The following RARB variants were observed in gnomAD, a reference collection of about 807,000 sequenced individuals.
The protein encoded by RARB is HBV-activated protein.
A neutral mutation model predicts 51.9 loss-of-function variants in RARB; 17 were observed. That is an observed-to-expected ratio of 0.33 (90% confidence interval 0.22 to 0.49). The LOEUF (loss-of-function observed/expected upper bound fraction) is 0.49. Among genes scored for constraint, RARB ranks in the 20% least tolerant of loss-of-function variants. The pLI is 0.99. For synonymous variants in RARB, 215 were observed against 195.4 expected (o/e 1.10, Z -0.84); for missense variants, 369 against 550.8 (o/e 0.67, Z 3.30).
Position 25,391,200 on chromosome 3 carries a change from T to C in RARB, c.179-69993T>C, listed in dbSNP as rs567169969. ...CTTAGAGTAATGGTCTCAAACTCCA[T>C]CCAGGTTTCTGTAAATGCCATTATT... On this transcript the variant is annotated intron_variant, in intron 5 of 11. Coordinates refer to the RARB transcript ENST00000383772. Among the ~76,000 whole-genome samples, 53 of 152,290 alleles carry C rather than the reference T, an allele frequency of 3.5e-4. 1 individual carries two copies. The South Asian group carries it at 0.01, about 29-fold the overall frequency.
intron 2 of RARB, among the ~76,000 whole-genome samples, chr3:24,864,951 G>A (rs1702820005): frequency 6.6e-6 from 1 of 152,154 alleles, no homozygotes; most frequent in African/African-American, 2.4e-5. Context: ...ACTTTGAAAA[G>A]ACTCTTGTTC....
At chr3:25,040,911 CAAAGT>C (rs1698100132) in intron 2 of RARB, among the ~76,000 whole-genome samples, 1 of 152,172 alleles carries the variant, frequency 6.6e-6, no homozygotes, top group Non-Finnish European at 1.5e-5. Flanking sequence ...CTGAATGATT[CAAAGT>C]CAGCTCATTG....
intron 5 of RARB, among the ~76,000 whole-genome samples, chr3:25,367,431 C>T (rs1706155588): frequency 6.6e-6 from 1 of 152,054 alleles, no homozygotes; most frequent in South Asian, 2.1e-4. Context: ...CTTTTATATG[C>T]TTTGGCAAAG....
chr3:25,574,432 C>A (rs1281169657), intron 4 of RARB, among the ~76,000 whole-genome samples: 1 of 152,216 alleles, frequency 6.6e-6, no homozygotes, highest in East Asian at 1.9e-4. Flanking sequence ...CTCCTCTCCA[C>A]CCCATCATAA....
intron 2 of RARB, among the ~76,000 whole-genome samples, chr3:24,937,571 GAAGCA>G (rs1695571712): frequency 6.6e-6 from 1 of 152,268 alleles, no homozygotes; most frequent in South Asian, 2.1e-4. Flanking sequence ...GGAAGGCAGG[GAAGCA>G]AACAAGCAAA....
chr3:25,570,041 G>C, intron 4 of RARB, 123 bp downstream of exon 4: 1 of 1,344,706 alleles, frequency 7.4e-7, no homozygotes, highest in Non-Finnish European at 1.0e-6. Flanking sequence ...GGCCTGGCAG[G>C]GGCTTGCATG....
intron 1 of RARB, among the ~76,000 whole-genome samples, chr3:25,455,700 C>T (rs1213742794): frequency 2.6e-5 from 4 of 152,128 alleles, no homozygotes; most frequent in African/African-American, 9.7e-5. Context: ...GGCGGGGACC[C>T]ACAGAGCCAA....
At chr3:25,361,848 T>C (rs962407735) in intron 5 of RARB, among the ~76,000 whole-genome samples, 1 of 152,204 alleles carries the variant, frequency 6.6e-6, no homozygotes. Context: ...CTCCTTCCTC[T>C]GGAAGCCTCG....
chr3:25,584,385 T>C (rs1022956789), intron 5 of RARB, among the ~76,000 whole-genome samples: 10 of 152,128 alleles, frequency 6.6e-5, no homozygotes, highest in African/African-American at 2.4e-4. Context: ...GAATCAGGGA[T>C]GGAGCACAAC....
At chr3:24,908,349 A>G (rs770140162) in intron 2 of RARB, among the ~76,000 whole-genome samples, 2 of 152,176 alleles carry the variant, frequency 1.3e-5, no homozygotes, top group Non-Finnish European at 2.9e-5. Flanking sequence ...AAAAATATGT[A>G]CCAGTAGAAT....
chr3:25,199,734 T>A (rs773620028), intron 5 of RARB, among the ~76,000 whole-genome samples: 10 of 152,312 alleles, frequency 6.6e-5, no homozygotes, highest in Non-Finnish European at 1.5e-4. Context: ...CTGAGAATGA[T>A]GGTTTCCAGC....
intron 3 of RARB, among the ~76,000 whole-genome samples, chr3:25,531,642 A>G (rs1215448698): frequency 1.3e-5 from 2 of 152,098 alleles, no homozygotes; most frequent in African/African-American, 4.8e-5. Context: ...CTCTCTGGCT[A>G]ACATCCAGAA....
At chr3:25,309,003 C>T (rs578235659) in intron 5 of RARB, among the ~76,000 whole-genome samples, 12 of 152,256 alleles carry the variant, frequency 7.9e-5, no homozygotes, top group Non-Finnish European at 1.5e-4. Context: ...GAAACCACAT[C>T]ACTGTTGATT....
At chr3:25,432,406 A>G (rs537629277) in intron 1 of RARB, among the ~76,000 whole-genome samples, 2 of 152,186 alleles carry the variant, frequency 1.3e-5, no homozygotes, top group African/African-American at 2.4e-5. Context: ...TGGAAGCTTT[A>G]GTTAGAATTT....
At chr3:25,579,576 T>C (rs1178089284) in intron 4 of RARB, among the ~76,000 whole-genome samples, 3 of 152,220 alleles carry the variant, frequency 2.0e-5, no homozygotes, top group African/African-American at 7.2e-5. Flanking sequence ...AGCATTTTCA[T>C]TGCAAAGTTG....
intron 2 of RARB, among the ~76,000 whole-genome samples, chr3:25,000,238 T>G (rs1697131160): frequency 6.6e-6 from 1 of 152,172 alleles, no homozygotes; most frequent in Non-Finnish European, 1.5e-5. Flanking sequence ...AGTGCTTTAC[T>G]TCCAGAATGC....
chr3:24,875,068 G>A (rs1158953479), intron 2 of RARB, among the ~76,000 whole-genome samples: 1 of 151,922 alleles, frequency 6.6e-6, no homozygotes, highest in Non-Finnish European at 1.5e-5. Flanking sequence ...ATATGCTTCT[G>A]TTAAACAAGA....
intron 5 of RARB, among the ~76,000 whole-genome samples, chr3:25,330,868 T>C (rs999939580): frequency 6.6e-6 from 1 of 152,106 alleles, no homozygotes; most frequent in Admixed American, 6.5e-5. Context: ...AAGCAGGGGT[T>C]GTAATCCTAG....
intron 5 of RARB, among the ~76,000 whole-genome samples, chr3:25,402,851 G>A (rs1268365713): frequency 2.0e-5 from 3 of 151,898 alleles, no homozygotes; most frequent in Non-Finnish European, 2.9e-5. Flanking sequence ...TGGTTAATGG[G>A]TACAAAAAAT....
Sources: allele counts gnomAD v4.1 joint callset (sites outside exome capture counted in the v4.1 genomes callset), GRCh38; gene constraint gnomAD v4.1.1; transcripts MANE v1.5; gene names NCBI Gene and HGNC (gene_info 2026-07-23, HGNC 2026-07-21).